MELK: variants seen among roughly 807,000 people sequenced by gnomAD.
The protein encoded by MELK is pEg3 kinase.
Under a neutral mutation model 85.0 loss-of-function variants are expected in MELK, and 81 were observed. The ratio of observed to expected loss-of-function variants is 0.95; its 90% CI spans 0.80 to 1.15. The LOEUF (loss-of-function observed/expected upper bound fraction) is 1.15. Among genes scored for constraint, MELK ranks in the 50% most tolerant of loss-of-function variants. The pLI, the probability that MELK is intolerant of heterozygous loss-of-function variation, is 0.00. For synonymous variants in MELK, 252 were observed against 265.0 expected (o/e 0.95, Z 0.48); for missense variants, 754 against 777.5 (o/e 0.97, Z 0.36).
chr9:36,573,764 C>T (rs553548637), intron 1 of MELK, among the ~76,000 whole-genome samples: 3 of 152,292 alleles, frequency 2.0e-5, no homozygotes, highest in African/African-American at 7.2e-5. Context: ...GCCTTGGCCT[C>T]CCAGAGTGCT....
At position 36,657,284 on chromosome 9, in the gene MELK, A is replaced by G. The variant is rs749341508; in HGVS notation, c.1097A>G (p.Asn366Ser). Residue 366 changes from asparagine (N) to serine (S), a missense_variant, in exon 13 of 18, where the codon AAT (asparagine) becomes AGT (serine). By Grantham distance (46) the Asn-to-Ser change is conservative. Transcript: ENST00000298048. Reference protein sequence around the residue: ...SLEDVTASDKNYVAGLIDYDW... With the variant: ...SLEDVTASDKSYVAGLIDYDW... The stretch of plus-strand genomic sequence containing the variant: ...GAAGATGTGACCGCAAGTGATAAAA[A>G]TTATGTGGCGGGATTAATAGACTAT... 3 of 1,613,718 alleles carry G rather than the reference A, an allele frequency of 1.9e-6. No homozygotes were observed. Among genetic ancestry groups the G allele is most frequent in the Admixed American group, 3.3e-5 (2 of 59,880 alleles).
intron 8 of MELK, among the ~76,000 whole-genome samples, chr9:36,617,201 A>G (rs1278610426): frequency 6.6e-6 from 1 of 152,182 alleles, no homozygotes; most frequent in East Asian, 1.9e-4. Flanking sequence ...TAGCATAATA[A>G]TGCCAGTTTC....
At chr9:36,603,070 G>T (rs1825100056) in intron 7 of MELK, among the ~76,000 whole-genome samples, 1 of 152,158 alleles carries the variant, frequency 6.6e-6, no homozygotes, top group Non-Finnish European at 1.5e-5. Context: ...TCCTAGAGGT[G>T]ATGAGAATCT....
intron 7 of MELK, among the ~76,000 whole-genome samples, chr9:36,599,891 G>C (rs1564143457): frequency 6.6e-6 from 1 of 152,182 alleles, no homozygotes; most frequent in Non-Finnish European, 1.5e-5. Flanking sequence ...CTGTGTAGGA[G>C]TCCAGGCTGA....
intron 7 of MELK, among the ~76,000 whole-genome samples, chr9:36,605,203 A>C (rs1010217879): frequency 2.0e-5 from 3 of 150,544 alleles, no homozygotes; most frequent in Admixed American, 2.0e-4. Context: ...TTCCTGTGCA[A>C]CCTCTTTGCT....
At chr9:36,577,920 C>T (rs931373965) in intron 1 of MELK, among the ~76,000 whole-genome samples, 8 of 151,614 alleles carry the variant, frequency 5.3e-5, no homozygotes, top group Non-Finnish European at 7.4e-5. Flanking sequence ...CCCAAAGTGC[C>T]GGGATTACAA....
chr9:36,653,726 A>G lies in MELK; in HGVS notation c.1053+1849A>G, dbSNP rs548738222. 4.6e-5 allele frequency among the ~76,000 whole-genome samples: 7 copies of G among 152,296 alleles called. 1 individual carries two copies. In the South Asian group the frequency reaches 1.0e-3, roughly 23 times the overall value. On this transcript the variant is annotated intron_variant, in intron 12 of 17. Coordinates refer to ENST00000298048, the MANE Select transcript of MELK (RefSeq NM_014791.4). ...CCCTGTTTATGAAATCCAAGATAAC[A>G]CAATTGACTGTGTGGATGAAAGTTT...
At chr9:36,606,367 A>G (rs537852298) in intron 7 of MELK, among the ~76,000 whole-genome samples, 151 of 139,128 alleles carry the variant, frequency 1.1e-3, no homozygotes, top group African/African-American at 4.1e-3. Flanking sequence ...TAATATATAC[A>G]TATGTATAGG....
At chr9:36,653,511 CT>C (rs1278468234) in intron 12 of MELK, among the ~76,000 whole-genome samples, 2 of 152,146 alleles carry the variant, frequency 1.3e-5, no homozygotes, top group Non-Finnish European at 2.9e-5. Flanking sequence ...TTCCTAAATG[CT>C]TGTGTTAGTC....
At chr9:36,618,046 T>G (rs974056244) in intron 8 of MELK, among the ~76,000 whole-genome samples, 2 of 152,072 alleles carry the variant, frequency 1.3e-5, no homozygotes, top group African/African-American at 4.8e-5. Context: ...GGAGGATTGC[T>G]TGAGCCTAGG....
At chr9:36,626,137 C>G (rs1216140576) in intron 8 of MELK, among the ~76,000 whole-genome samples, 2 of 152,102 alleles carry the variant, frequency 1.3e-5, no homozygotes, top group Non-Finnish European at 1.5e-5. Flanking sequence ...ACACTAAAAG[C>G]TGATTGAGCC....
intron 11 of MELK, 32 bp downstream of exon 11, chr9:36,643,115 G>A: frequency 6.4e-7 from 1 of 1,571,592 alleles, no homozygotes; most frequent in Non-Finnish European, 8.7e-7. Flanking sequence ...GGGCGCAGTG[G>A]CTCACGCCTG....
intron 10 of MELK, among the ~76,000 whole-genome samples, chr9:36,642,417 A>AC (rs1829838065): frequency 3.9e-5 from 5 of 127,432 alleles, no homozygotes; most frequent in African/African-American, 1.3e-4. Flanking sequence ...GTACAACAGA[A>AC]CTTTTTTTTT....
chr9:36,664,619 C>A (rs184350973), intron 13 of MELK, among the ~76,000 whole-genome samples: 1 of 152,186 alleles, frequency 6.6e-6, no homozygotes, highest in Non-Finnish European at 1.5e-5. Context: ...AGAACCAAGA[C>A]CAAGACACCC....
chr9:36,627,165 G>T (rs1480153747), intron 8 of MELK, among the ~76,000 whole-genome samples: 1 of 151,804 alleles, frequency 6.6e-6, no homozygotes, highest in African/African-American at 2.4e-5. Context: ...CCAGCATTGG[G>T]GTTCTCTGTT....
chr9:36,586,166 G>A, intron 3 of MELK, among the ~76,000 whole-genome samples: 1 of 151,816 alleles, frequency 6.6e-6, no homozygotes, highest in East Asian at 1.9e-4. Context: ...CAAGGTGAAA[G>A]CCCTTCTCTA....
At chr9:36,607,018 C>G (rs1728067793) in intron 7 of MELK, 1 of 152,438 alleles carries the variant, frequency 6.6e-6, no homozygotes, top group Non-Finnish European at 1.5e-5. Flanking sequence ...CTCCTGACCT[C>G]AGGTGATCCA....
At chr9:36,646,342 G>A (rs1830213321) in intron 11 of MELK, among the ~76,000 whole-genome samples, 1 of 152,172 alleles carries the variant, frequency 6.6e-6, no homozygotes, top group Admixed American at 6.5e-5. Context: ...AGACAGGACA[G>A]AGAGAGATTA....
chr9:36,585,356 G>A (rs1456203145), intron 3 of MELK, among the ~76,000 whole-genome samples: 2 of 143,216 alleles, frequency 1.4e-5, no homozygotes, highest in Non-Finnish European at 3.0e-5. Context: ...CACCAGGCTG[G>A]AATGCAGTGG....
Sources: allele counts gnomAD v4.1 joint callset (sites outside exome capture counted in the v4.1 genomes callset), GRCh38; gene constraint gnomAD v4.1.1; transcripts MANE v1.5; gene names NCBI Gene and HGNC (gene_info 2026-07-23, HGNC 2026-07-21).